The following POLE2 variants were observed in gnomAD, a reference collection of about 807,000 sequenced individuals.
POLE2 encodes DNA polymerase epsilon 2, accessory subunit, also known as DNA polymerase epsilon subunit 2.
In POLE2, 56 loss-of-function variants were observed where a neutral mutation model predicts 79.4. The observed-to-expected ratio is 0.71, with a 90% CI of 0.57 to 0.88. The LOEUF (loss-of-function observed/expected upper bound fraction) is 0.88. POLE2 is among the 40% of genes least tolerant of loss of function. The pLI is 0.00. For synonymous variants in POLE2, 212 were observed against 214.0 expected (o/e 0.99, Z 0.08); for missense variants, 598 against 638.9 (o/e 0.94, Z 0.69).
intron 5 of POLE2, among the ~76,000 whole-genome samples, chr14:49,673,349 C>T (rs1053181670): frequency 2.0e-5 from 3 of 152,178 alleles, no homozygotes; most frequent in Non-Finnish European, 4.4e-5. Context: ...GTCCCAACTC[C>T]CAAGGGTGGC....
chr14:49,663,751 G>A (rs1476303157), intron 9 of POLE2, among the ~76,000 whole-genome samples: 3 of 152,062 alleles, frequency 2.0e-5, no homozygotes, highest in South Asian at 2.1e-4. Context: ...ATTCAGGGCC[G>A]GGTGCAGTGG....
intron 18 of POLE2, among the ~76,000 whole-genome samples, chr14:49,644,585 G>GTGAT (rs1432819504): frequency 2.6e-5 from 4 of 151,422 alleles, no homozygotes; most frequent in African/African-American, 9.7e-5. Context: ...ACATACAGAA[G>GTGAT]TGATAGGATA....
At chr14:49,678,712 A>T (rs996873184) in intron 3 of POLE2, among the ~76,000 whole-genome samples, 8 of 152,112 alleles carry the variant, frequency 5.3e-5, no homozygotes, top group Non-Finnish European at 8.8e-5. Flanking sequence ...ACTAGAGTGC[A>T]GTGGTATGAT....
intron 10 of POLE2, among the ~76,000 whole-genome samples, chr14:49,656,672 C>T (rs1260920817): frequency 6.6e-6 from 1 of 152,186 alleles, no homozygotes; most frequent in African/African-American, 2.4e-5. Context: ...GCCTCCACCA[C>T]TCTTGCCCAC....
chr14:49,679,634 G>A (rs779613008), intron 3 of POLE2, 91 bp downstream of exon 3: 12 of 686,768 alleles, frequency 1.7e-5, no homozygotes, highest in South Asian at 3.5e-5. Flanking sequence ...CTGTAGAAAC[G>A]TTGATCACTA....
chr14:49,680,634 A>G lies in POLE2; in HGVS notation c.170-834T>C, dbSNP rs1294641467. 2.0e-5 allele frequency among the ~76,000 whole-genome samples: 3 copies of G among 152,146 alleles called. No homozygotes were observed. In the East Asian group the frequency reaches 5.8e-4, roughly 29 times the overall value. On this transcript the variant is annotated intron_variant, in intron 2 of 18. Coordinates refer to ENST00000216367, the MANE Select transcript of POLE2 (RefSeq NM_002692.4). Reference sequence around the variant, plus strand: ...AAATTTTGCCCAAAAACTAGAAGAGATAGAGAGCAACAAAAACCCAGGACT... The same window carrying G: ...AAATTTTGCCCAAAAACTAGAAGAGGTAGAGAGCAACAAAAACCCAGGACT...
rs1043123542 is a variant in POLE2 at position 49,679,567 on chromosome 14, A to C, written c.245+158T>G. On this transcript the variant is annotated intron_variant, in intron 3 of 18. Coordinates refer to ENST00000216367, the MANE Select transcript of POLE2 (RefSeq NM_002692.4). ...AGTAAAGATGAGTCATTTAATAATGAGGTTTGCAAAGAAAGCCATTATTTA... is the reference window on the plus strand; with the variant it reads ...AGTAAAGATGAGTCATTTAATAATGCGGTTTGCAAAGAAAGCCATTATTTA... The C allele has an allele frequency of 4.1e-5, 22 of 537,872 alleles. 1 individual carries two copies. The South Asian group carries it at 5.5e-4, about 14-fold the overall frequency. The allele number at this position is 537,872 out of a possible 1,614,324, so 33.3% of individuals were successfully genotyped here.
Position 49,646,302 on chromosome 14 carries a change from G to GTTTTTTT in POLE2, c.1565+984_1565+990dup, listed in dbSNP as rs1162033821. Among the ~76,000 whole-genome samples, 167 of 84,534 alleles carry GTTTTTTT rather than the reference G, an allele frequency of 2.0e-3. 12 individuals are homozygous for GTTTTTTT. The highest frequency in any genetic ancestry group is 2.3e-3 in the Non-Finnish European group (112 of 48,274). 55.5% of individuals were successfully genotyped at this position (84,534 alleles called of 152,430 possible). A position where few individuals can be genotyped will look rare whatever the true frequency, so the allele number is the denominator to read the frequency against. ...GATTTGGTCAGTTGTTTTTTTGTTG[G>GTTTTTTT]TTTTTTTTTTTTTTTTTTTTTTTTT... On this transcript the variant is annotated intron_variant, in intron 18 of 18. Transcript: ENST00000216367.
chr14:49,677,018 T>C (rs1034577696), intron 3 of POLE2, among the ~76,000 whole-genome samples: 2 of 152,208 alleles, frequency 1.3e-5, no homozygotes. Context: ...CTTAGGGAAA[T>C]GTCATCATTG....
At chr14:49,648,086 A>G (rs1267606422) in intron 17 of POLE2, among the ~76,000 whole-genome samples, 1 of 152,226 alleles carries the variant, frequency 6.6e-6, no homozygotes, top group African/African-American at 2.4e-5. Context: ...ACTGATTTGC[A>G]TTCCTATGTA....
At chr14:49,681,036 A>G (rs1189112476) in intron 2 of POLE2, among the ~76,000 whole-genome samples, 1 of 152,226 alleles carries the variant, frequency 6.6e-6, no homozygotes, top group Admixed American at 6.5e-5. Context: ...ATCACGGAGT[A>G]TGTTTCTTCC....
At chr14:49,687,141 A>C (rs1458498301) in intron 1 of POLE2, among the ~76,000 whole-genome samples, 1 of 151,896 alleles carries the variant, frequency 6.6e-6, no homozygotes, top group African/African-American at 2.4e-5. Context: ...ACAACAAAAA[A>C]TCAGCCAGGT....
intron 18 of POLE2, 96 bp downstream of exon 18, chr14:49,647,197 T>G (rs7155238): frequency 0.21 from 140,741 of 686,408 alleles, 15,971 homozygotes; most frequent in Admixed American, 0.32. Context: ...ACTGTAGACA[T>G]TTTCAAAAAT....
chr14:49,678,399 A>C (rs1250543792), intron 3 of POLE2, among the ~76,000 whole-genome samples: 8 of 152,082 alleles, frequency 5.3e-5, no homozygotes, highest in African/African-American at 1.9e-4. Context: ...AACTGATGCG[A>C]TATGGTACAT....
rs45536334 is a variant in POLE2 at position 49,672,996 on chromosome 14, C to T, written c.417+1127G>A. ...AAACAGAACCTGCTATCACCTTCTA[C>T]AACATTCTCTTTTTCCTGTTTAATG... On this transcript the variant is annotated intron_variant, in intron 5 of 18. Coordinates refer to ENST00000216367, the MANE Select transcript of POLE2 (RefSeq NM_002692.4). Among the ~76,000 whole-genome samples the T allele has an allele frequency of 9.9e-3, 1,510 of 152,290 alleles. 14 individuals are homozygous for T. The highest frequency in any genetic ancestry group is 0.013 in the Admixed American group (200 of 15,290).
In POLE2 at chr14:49,688,139, C is replaced by A. The variant is rs760349970; in HGVS notation, c.65G>T (p.Arg22Leu). Residue 22 changes from arginine to leucine, a missense_variant, in exon 1 of 19, where the codon CGT becomes CTT. Arg to Leu is a moderately radical substitution (Grantham distance 102). Transcript: ENST00000216367. ...CAAGCTGCCCGAGCCCACTCACCCA[C>A]GGAGCAGCAAGCCCCGCAACTTGAA... ...SAFKLRGLLL[R>L]GEAIKYLTEA... 26 of 1,556,310 alleles carry A rather than the reference C, an allele frequency of 1.7e-5. No homozygotes were observed. Among genetic ancestry groups the A allele is most frequent in the Non-Finnish European group, 2.2e-5 (25 of 1,151,542 alleles).
In POLE2 at chr14:49,654,798, T is replaced by C. The variant is rs970225124; in HGVS notation, c.1059A>G (p.Pro353=). The C allele has an allele frequency of 2.8e-5, 41 of 1,487,594 alleles. No individual in the cohort carries two copies. The highest frequency in any genetic ancestry group is 3.6e-5 in the Non-Finnish European group (41 of 1,123,464). 92.1% of individuals were successfully genotyped at this position (1,487,594 alleles called of 1,614,324 possible). Residue 353 remains proline (P), a synonymous_variant, in exon 13 of 19, where the codon CCA becomes CCG. Coordinates refer to ENST00000216367, the MANE Select transcript of POLE2 (RefSeq NM_002692.4). ...GAGATCATTACCTTTGGTGAATATC[T>C]GGGTATTCACATATTATATCTGCCA... The part of the protein sequence containing the change: ...KTLADIICEY[P]DIHQSSRFVF...
chr14:49,654,084 T>C lies in POLE2; in HGVS notation c.1134-17A>G, dbSNP rs757764531. The C allele has an allele frequency of 1.3e-6, 2 of 1,587,046 alleles. No homozygotes were observed. Among genetic ancestry groups the C allele is most frequent in the Non-Finnish European group, 1.7e-6 (2 of 1,156,856 alleles). On this transcript the variant is annotated splice_polypyrimidine_tract_variant and intron_variant, in intron 14 of 18. Transcript: ENST00000216367. ...AGTGGTGGCCTATAAAAACAATTTATGTGATATAGTTTATCTTTTTAAGTT... is the reference window on the plus strand; with the variant it reads ...AGTGGTGGCCTATAAAAACAATTTACGTGATATAGTTTATCTTTTTAAGTT...
intron 6 of POLE2, among the ~76,000 whole-genome samples, chr14:49,668,177 G>A (rs936680315): frequency 1.3e-5 from 2 of 152,094 alleles, no homozygotes; most frequent in African/African-American, 2.4e-5. Context: ...AGAGGCTGAG[G>A]CAGAATTGCT....
Sources: gnomAD v4.1 joint callset for allele counts (sites outside exome capture counted in the v4.1 genomes callset) on GRCh38, gnomAD v4.1.1 for gene constraint, MANE v1.5 for transcripts, NCBI Gene and HGNC (gene_info 2026-07-23, HGNC 2026-07-21) for gene names.